Variants in ARB2A observed in about 807,000 individuals in gnomAD.
The protein encoded by ARB2A is cotranscriptional regulator ARB2A.
At chr5:93,911,845 T>C in the ARB2A span, among the ~76,000 whole-genome samples, 1 of 151,834 alleles carries the variant, frequency 6.6e-6, no homozygotes, top group Non-Finnish European at 1.5e-5. Flanking sequence ...GGCTGCCTTC[T>C]AGGGATTCCT....
the ARB2A span, among the ~76,000 whole-genome samples, chr5:93,793,125 T>G: frequency 1.3e-5 from 2 of 151,778 alleles, no homozygotes; most frequent in African/African-American, 2.4e-5. Context: ...CAAGCTGAAG[T>G]GCAGTGGTAG....
chr5:93,844,962 T>C, the ARB2A span, among the ~76,000 whole-genome samples: 24 of 152,180 alleles, frequency 1.6e-4, no homozygotes, highest in Non-Finnish European at 2.8e-4. Flanking sequence ...AAATGTTGTG[T>C]TTTCACTAAA....
chr5:93,976,971 A>C, the ARB2A span, among the ~76,000 whole-genome samples: 1 of 152,106 alleles, frequency 6.6e-6, no homozygotes, highest in Non-Finnish European at 1.5e-5. Flanking sequence ...ATTCAAGCTG[A>C]GAACCAAATT....
chr5:93,928,056 G>T, the ARB2A span, among the ~76,000 whole-genome samples: 1 of 151,966 alleles, frequency 6.6e-6, no homozygotes, highest in African/African-American at 2.4e-5. Context: ...GGAAGTTATG[G>T]AAAGTTAAGG....
the ARB2A span, among the ~76,000 whole-genome samples, chr5:93,980,533 CTCTT>C: frequency 3.9e-5 from 6 of 152,164 alleles, no homozygotes; most frequent in Non-Finnish European, 7.4e-5. Context: ...TATTTCCTCA[CTCTT>C]TCTTTTTCTA....
the ARB2A span, among the ~76,000 whole-genome samples, chr5:93,847,893 C>T: frequency 2.6e-5 from 4 of 152,148 alleles, no homozygotes; most frequent in Non-Finnish European, 5.9e-5. Flanking sequence ...ACTCACCCTT[C>T]GATTTTTCTA....
At chr5:94,054,374 C>T in the ARB2A span, among the ~76,000 whole-genome samples, 1 of 152,122 alleles carries the variant, frequency 6.6e-6, no homozygotes, top group Non-Finnish European at 1.5e-5. Context: ...CCTTCTTTTC[C>T]ATGATCTTGA....
At chr5:93,930,559 A>G in the ARB2A span, among the ~76,000 whole-genome samples, 2 of 152,206 alleles carry the variant, frequency 1.3e-5, no homozygotes, top group Admixed American at 1.3e-4. Flanking sequence ...AAAAATTTCA[A>G]TAGGCAGAGA....
the ARB2A span, chr5:93,964,322 T>C: frequency 5.0e-6 from 3 of 596,294 alleles, no homozygotes; most frequent in African/African-American, 5.6e-5. Flanking sequence ...AAATTATCGC[T>C]ATCAACACAA....
At chr5:93,810,579 T>A in the ARB2A span, among the ~76,000 whole-genome samples, 17 of 150,832 alleles carry the variant, frequency 1.1e-4, no homozygotes, top group African/African-American at 1.9e-4. Context: ...TTTAAAAAAA[T>A]TTTTTGTAGA....
the ARB2A span, among the ~76,000 whole-genome samples, chr5:94,027,613 A>C: frequency 6.6e-6 from 1 of 152,226 alleles, no homozygotes; most frequent in Non-Finnish European, 1.5e-5. Flanking sequence ...AGAATTCATT[A>C]ATGTACCCCC....
At chr5:93,759,264 C>G in the ARB2A span, among the ~76,000 whole-genome samples, 1 of 151,880 alleles carries the variant, frequency 6.6e-6, no homozygotes, top group Non-Finnish European at 1.5e-5. Flanking sequence ...AAAAAATTAC[C>G]AGTAAAGAAA....
At chr5:93,830,544 C>T in the ARB2A span, among the ~76,000 whole-genome samples, 64 of 151,682 alleles carry the variant, frequency 4.2e-4, 1 homozygote, top group East Asian at 9.5e-3. Flanking sequence ...CCAAGGTTGA[C>T]GGGCCATTAT....
chr5:93,687,369 T>C, the ARB2A span, among the ~76,000 whole-genome samples: 2 of 152,180 alleles, frequency 1.3e-5, no homozygotes, highest in African/African-American at 4.8e-5. Context: ...GACCTAGAAA[T>C]TTCACTTTTT....
chr5:94,079,836 A>C, the ARB2A span, among the ~76,000 whole-genome samples: 1 of 152,222 alleles, frequency 6.6e-6, no homozygotes, highest in East Asian at 1.9e-4. Flanking sequence ...AAGAGATATC[A>C]AATAAAAGTA....
the ARB2A span, among the ~76,000 whole-genome samples, chr5:93,685,814 A>C: frequency 6.6e-6 from 1 of 152,164 alleles, no homozygotes; most frequent in Non-Finnish European, 1.5e-5. Flanking sequence ...CCAGGCCTTG[A>C]GTATGGGCTT....
chr5:93,838,410 T>C, the ARB2A span, among the ~76,000 whole-genome samples: 1 of 152,214 alleles, frequency 6.6e-6, no homozygotes, highest in Non-Finnish European at 1.5e-5. Context: ...AGCCTTGCAG[T>C]AGAATTTGAA....
the ARB2A span, among the ~76,000 whole-genome samples, chr5:93,707,577 T>TC: frequency 1.4e-5 from 2 of 141,908 alleles, no homozygotes; most frequent in African/African-American, 5.2e-5. Context: ...TTTTTCTTTC[T>TC]TTTTTTTTTT....
chr5:93,741,507 G>A, the ARB2A span: 35 of 1,610,274 alleles, frequency 2.2e-5, 2 homozygotes, highest in African/African-American at 2.3e-4. Context: ...CTCTGGGGCC[G>A]CCCCCACCAC....
Sources: allele counts gnomAD v4.1 joint callset (sites outside exome capture counted in the v4.1 genomes callset), GRCh38; gene constraint gnomAD v4.1.1; transcripts MANE v1.5; gene names NCBI Gene and HGNC (gene_info 2026-07-23, HGNC 2026-07-21).